The following KCNH8 variants were observed in gnomAD, a reference collection of about 807,000 sequenced individuals.
KCNH8 encodes voltage-gated delayed rectifier potassium channel KCNH8.
A neutral mutation model predicts 103.6 loss-of-function variants in KCNH8; 70 were observed. The observed-to-expected ratio is 0.68, with a 90% CI of 0.56 to 0.82. The LOEUF is 0.82. KCNH8 is among the 40% of genes least tolerant of loss of function. KCNH8 has a pLI of 0.00. For synonymous variants in KCNH8, 498 were observed against 489.4 expected (o/e 1.02, Z -0.23); for missense variants, 1,217 against 1,329.9 (o/e 0.92, Z 1.32).
chr3:19,231,061 A>G (rs1020659179), intron 1 of KCNH8, among the ~76,000 whole-genome samples: 10 of 152,222 alleles, frequency 6.6e-5, no homozygotes, highest in African/African-American at 2.4e-4. Context: ...TATAGTAACT[A>G]TAGTATATCC....
intron 1 of KCNH8, among the ~76,000 whole-genome samples, chr3:19,187,285 T>C (rs2063511620): frequency 6.6e-6 from 1 of 151,978 alleles, no homozygotes; most frequent in South Asian, 2.1e-4. Flanking sequence ...ATAATAAATG[T>C]AATATTGTTA....
At chr3:19,467,666 A>G (rs1350750782) in intron 11 of KCNH8, among the ~76,000 whole-genome samples, 1 of 152,166 alleles carries the variant, frequency 6.6e-6, no homozygotes, top group East Asian at 1.9e-4. Flanking sequence ...ATGAGATTCA[A>G]TATAGTGATT....
intron 11 of KCNH8, among the ~76,000 whole-genome samples, chr3:19,492,812 G>C (rs920249737): frequency 1.3e-5 from 2 of 149,300 alleles, no homozygotes; most frequent in Non-Finnish European, 3.0e-5. Flanking sequence ...TCTAGTCCTT[G>C]AGCATGGAAT....
At chr3:19,361,072 TTTG>T (rs2065940901) in intron 5 of KCNH8, among the ~76,000 whole-genome samples, 1 of 152,080 alleles carries the variant, frequency 6.6e-6, no homozygotes. Flanking sequence ...TTCTGGCAAA[TTTG>T]TTGGCCCTTA....
intron 3 of KCNH8, among the ~76,000 whole-genome samples, chr3:19,324,780 G>T (rs1282806482): frequency 6.6e-6 from 1 of 151,964 alleles, no homozygotes; most frequent in African/African-American, 2.4e-5. Context: ...TATAAATTCA[G>T]TGCTATTCCC....
intron 15 of KCNH8, among the ~76,000 whole-genome samples, chr3:19,522,774 C>T (rs2068994666): frequency 6.6e-6 from 1 of 151,700 alleles, no homozygotes; most frequent in African/African-American, 2.4e-5. Context: ...TTATTTTCCC[C>T]TTTAGCGATA....
chr3:19,411,843 A>C (rs1383919026), intron 7 of KCNH8, among the ~76,000 whole-genome samples: 1 of 151,882 alleles, frequency 6.6e-6, no homozygotes, highest in African/African-American at 2.4e-5. Context: ...ATCTGCAAGG[A>C]GAATTACAAA....
chr3:19,434,004 T>C (rs537324613), intron 7 of KCNH8, among the ~76,000 whole-genome samples: 1 of 152,308 alleles, frequency 6.6e-6, no homozygotes, highest in African/African-American at 2.4e-5. Flanking sequence ...CCAATGTTAA[T>C]TTTATAGTTT....
At chr3:19,370,855 C>A (rs1343285004) in intron 5 of KCNH8, among the ~76,000 whole-genome samples, 2 of 149,892 alleles carry the variant, frequency 1.3e-5, no homozygotes, top group African/African-American at 4.9e-5. Flanking sequence ...TGAGAATATG[C>A]GGTGTTTGGT....
rs571866569 is a variant in KCNH8, at chr3:19,161,230, T to C, written c.76+12435T>C. 2.6e-5 allele frequency among the ~76,000 whole-genome samples: 4 copies of C among 152,216 alleles called. No individual in the cohort carries two copies. In the East Asian group the frequency reaches 5.8e-4, roughly 22 times the overall value. On this transcript the variant is annotated intron_variant, in intron 1 of 15. Coordinates refer to ENST00000328405, the MANE Select transcript of KCNH8 (RefSeq NM_144633.3). ...AGAAACATGTTCCAATTGAGGGCAATTGGGTTTGGTACTATCGTCGGTTTT... is the reference window on the plus strand; with the variant it reads ...AGAAACATGTTCCAATTGAGGGCAACTGGGTTTGGTACTATCGTCGGTTTT...
intron 11 of KCNH8, among the ~76,000 whole-genome samples, chr3:19,483,725 G>C (rs969357879): frequency 4.6e-5 from 7 of 152,132 alleles, no homozygotes; most frequent in Non-Finnish European, 1.0e-4. Context: ...AACTTTTCCT[G>C]AAACTAAGAT....
chr3:19,391,022 G>T (rs564552008), intron 6 of KCNH8, among the ~76,000 whole-genome samples: 3 of 151,962 alleles, frequency 2.0e-5, no homozygotes, highest in Admixed American at 1.3e-4. Context: ...TTTTCTGCTT[G>T]TATGACCCTT....
At chr3:19,202,644 A>C (rs2063674913) in intron 1 of KCNH8, among the ~76,000 whole-genome samples, 1 of 152,140 alleles carries the variant, frequency 6.6e-6, no homozygotes, top group Admixed American at 6.6e-5. Context: ...TGGAAAAGAG[A>C]GGATGCACAG....
At chr3:19,410,878 C>CAAAA (rs4021206) in intron 7 of KCNH8, among the ~76,000 whole-genome samples, 3,504 of 63,126 alleles carry the variant, frequency 0.056, 140 homozygotes, top group East Asian at 0.3. Flanking sequence ...GCCTACCAAG[C>CAAAA]AAAAAAAAAA....
chr3:19,281,481 TCA>T (rs1353256736), intron 3 of KCNH8, 152 bp downstream of exon 3: 1 of 625,022 alleles, frequency 1.6e-6, no homozygotes. Context: ...ATATTCCAAA[TCA>T]CAGACTCACA....
At chr3:19,166,658 G>C (rs1266758510) in intron 1 of KCNH8, among the ~76,000 whole-genome samples, 1 of 152,160 alleles carries the variant, frequency 6.6e-6, no homozygotes, top group Non-Finnish European at 1.5e-5. Context: ...TAAATTGTTG[G>C]AATGCTATCC....
At chr3:19,189,662 C>T (rs976637437) in intron 1 of KCNH8, among the ~76,000 whole-genome samples, 1 of 151,882 alleles carries the variant, frequency 6.6e-6, no homozygotes, top group Non-Finnish European at 1.5e-5. Context: ...CTATAATCAC[C>T]TTCAGAAACA....
intron 15 of KCNH8, among the ~76,000 whole-genome samples, chr3:19,523,149 T>C (rs1189739893): frequency 1.3e-5 from 2 of 151,852 alleles, no homozygotes; most frequent in Non-Finnish European, 2.9e-5. Flanking sequence ...CAAGCTCTTA[T>C]TGCTATTGAG....
intron 11 of KCNH8, among the ~76,000 whole-genome samples, chr3:19,471,438 AGT>A (rs2125203400): frequency 6.6e-6 from 1 of 152,308 alleles, no homozygotes; most frequent in East Asian, 1.9e-4. Context: ...TATGAAGTGC[AGT>A]GTTTGCCCTC....
Sources: allele counts gnomAD v4.1 joint callset (sites outside exome capture counted in the v4.1 genomes callset), GRCh38; gene constraint gnomAD v4.1.1; transcripts MANE v1.5; gene names NCBI Gene and HGNC (gene_info 2026-07-23, HGNC 2026-07-21).